Variants in FHIT observed in about 807,000 individuals in gnomAD.
The protein encoded by FHIT is fragile histidine triad diadenosine triphosphatase.
FHIT carries 19 observed loss-of-function variants against 17.9 expected under a neutral mutation model. The observed-to-expected ratio is 1.06, with a 90% CI of 0.74 to 1.56. FHIT has a LOEUF of 1.56. Among genes scored for constraint, FHIT ranks in the 40% most tolerant of loss-of-function variants. FHIT has a pLI of 0.00. For missense variants in FHIT, 248 were observed against 189.2 expected (o/e 1.31, Z -1.82); for synonymous variants, 81 against 69.7 (o/e 1.16, Z -0.81).
At chr3:60,306,895 A>G (rs116046005) in intron 5 of FHIT, among the ~76,000 whole-genome samples, 2,491 of 152,248 alleles carry the variant, frequency 0.016, 51 homozygotes, top group African/African-American at 0.053. Flanking sequence ...TGGAGGATTG[A>G]TCGTGAGAGT....
At chr3:60,023,388 G>A (rs1700621729) in intron 5 of FHIT, among the ~76,000 whole-genome samples, 4 of 152,168 alleles carry the variant, frequency 2.6e-5, no homozygotes, top group Admixed American at 2.6e-4. Context: ...GGAGTGCCCT[G>A]AGCACATACC....
At chr3:60,196,427 C>T (rs1702642770) in intron 5 of FHIT, among the ~76,000 whole-genome samples, 1 of 152,126 alleles carries the variant, frequency 6.6e-6, no homozygotes, top group Non-Finnish European at 1.5e-5. Flanking sequence ...TCGCTTGCCT[C>T]CCTCTTTCAT....
In FHIT at chr3:60,828,151, G is replaced by A. The variant is rs540454000; in HGVS notation, c.-110-6140C>T. Reference sequence around the variant, plus strand: ...TTTGGCTTCCTCATTAAGTTATTAGGGGGATTCAGTGAGATAATTTATGTA... The same window carrying A: ...TTTGGCTTCCTCATTAAGTTATTAGAGGGATTCAGTGAGATAATTTATGTA... On this transcript the variant is annotated intron_variant, in intron 3 of 9. Coordinates refer to ENST00000492590, the MANE Select transcript of FHIT (RefSeq NM_002012.4). Among the ~76,000 whole-genome samples, 4 of 152,214 alleles carry A rather than the reference G, an allele frequency of 2.6e-5. No homozygotes were observed. The South Asian group carries it at 8.3e-4, about 32-fold the overall frequency.
chr3:59,805,978 G>A (rs1053420262), intron 8 of FHIT, among the ~76,000 whole-genome samples: 7 of 152,052 alleles, frequency 4.6e-5, no homozygotes, highest in Non-Finnish European at 7.4e-5. Flanking sequence ...TCAGGAGATC[G>A]AGACCGTCCT....
At chr3:59,822,717 T>C (rs1053227838) in intron 8 of FHIT, among the ~76,000 whole-genome samples, 5 of 152,200 alleles carry the variant, frequency 3.3e-5, no homozygotes, top group African/African-American at 9.6e-5. Context: ...GTCAGATATA[T>C]AGATTGTCAA....
At chr3:60,229,106 G>A (rs971953639) in intron 5 of FHIT, among the ~76,000 whole-genome samples, 1 of 152,068 alleles carries the variant, frequency 6.6e-6, no homozygotes, top group African/African-American at 2.4e-5. Flanking sequence ...AGAAACTCAG[G>A]GACAGTGCCC....
intron 5 of FHIT, among the ~76,000 whole-genome samples, chr3:60,226,225 C>G (rs552495198): frequency 6.6e-6 from 1 of 152,110 alleles, no homozygotes; most frequent in Admixed American, 6.5e-5. Flanking sequence ...ATAATCCCAG[C>G]ACTTTGGGAG....
chr3:61,016,717 C>G (rs1046913235), intron 3 of FHIT, among the ~76,000 whole-genome samples: 1 of 152,194 alleles, frequency 6.6e-6, no homozygotes, highest in African/African-American at 2.4e-5. Context: ...TTCATAGCAA[C>G]CATCAAGCAT....
At chr3:60,925,668 C>T (rs1707557622) in intron 3 of FHIT, among the ~76,000 whole-genome samples, 1 of 152,246 alleles carries the variant, frequency 6.6e-6, no homozygotes, top group Non-Finnish European at 1.5e-5. Flanking sequence ...AGCAAAATAA[C>T]CAGCTAACAT....
At chr3:60,430,199 T>C (rs905140068) in intron 5 of FHIT, among the ~76,000 whole-genome samples, 1 of 152,018 alleles carries the variant, frequency 6.6e-6, no homozygotes, top group Non-Finnish European at 1.5e-5. Flanking sequence ...ATGAGACTGT[T>C]GCATTCCACT....
intron 5 of FHIT, among the ~76,000 whole-genome samples, chr3:60,443,293 G>T (rs1369272072): frequency 6.6e-6 from 1 of 152,174 alleles, no homozygotes; most frequent in Non-Finnish European, 1.5e-5. Flanking sequence ...GCCCTGGCCA[G>T]AACTTCCAAC....
chr3:59,756,399 G>C (rs1287967879), intron 8 of FHIT, among the ~76,000 whole-genome samples: 1 of 152,074 alleles, frequency 6.6e-6, no homozygotes, highest in Admixed American at 6.6e-5. Context: ...GGCTTCTCAT[G>C]GTAAAAGCTA....
At chr3:60,333,536 C>G (rs1432147360) in intron 5 of FHIT, among the ~76,000 whole-genome samples, 1 of 151,502 alleles carries the variant, frequency 6.6e-6, no homozygotes, top group Non-Finnish European at 1.5e-5. Flanking sequence ...TTGTTGTGAC[C>G]TTTCTACAAA....
chr3:60,509,307 G>T (rs1345250808), intron 5 of FHIT, among the ~76,000 whole-genome samples: 2 of 152,112 alleles, frequency 1.3e-5, no homozygotes, highest in East Asian at 3.9e-4. Context: ...TATTTCTGAG[G>T]CCTGTTTGTG....
chr3:61,031,446 C>T (rs186768945), intron 3 of FHIT, among the ~76,000 whole-genome samples: 1 of 147,202 alleles, frequency 6.8e-6, no homozygotes, highest in East Asian at 2.0e-4. Context: ...AGTGTCTCAA[C>T]CTGAAAATTT....
chr3:59,855,981 C>T (rs1702140310), intron 8 of FHIT, among the ~76,000 whole-genome samples: 1 of 151,942 alleles, frequency 6.6e-6, no homozygotes, highest in Non-Finnish European at 1.5e-5. Context: ...CGTGGTTTCA[C>T]TGTGTTAGCC....
At chr3:60,174,086 G>C (rs1038711954) in intron 5 of FHIT, among the ~76,000 whole-genome samples, 21 of 150,448 alleles carry the variant, frequency 1.4e-4, no homozygotes, top group African/African-American at 4.9e-4. Context: ...GCTAATTTTT[G>C]TATTTTTAGT....
At chr3:60,361,121 G>C (rs943007307) in intron 5 of FHIT, among the ~76,000 whole-genome samples, 1 of 152,116 alleles carries the variant, frequency 6.6e-6, no homozygotes, top group Non-Finnish European at 1.5e-5. Flanking sequence ...ACAGTTACTG[G>C]ATATCCACCA....
At chr3:61,067,122 C>T (rs2034639578) in intron 2 of FHIT, among the ~76,000 whole-genome samples, 1 of 152,194 alleles carries the variant, frequency 6.6e-6, no homozygotes, top group South Asian at 2.1e-4. Flanking sequence ...GCATCTGCCA[C>T]AGCTGCAATG....
Sources: gnomAD v4.1 joint callset for allele counts (sites outside exome capture counted in the v4.1 genomes callset) on GRCh38, gnomAD v4.1.1 for gene constraint, MANE v1.5 for transcripts, NCBI Gene and HGNC (gene_info 2026-07-23, HGNC 2026-07-21) for gene names.